ANO6: variants seen among roughly 807,000 people sequenced by gnomAD.
ANO6 encodes anoctamin-6.
Under a neutral mutation model 117.5 loss-of-function variants are expected in ANO6, and 106 were observed. The observed-to-expected ratio is 0.90, with a 90% CI of 0.77 to 1.06. The LOEUF is 1.06. ANO6 is among the 50% of genes least tolerant of loss of function. ANO6 has a pLI of 0.00. For missense variants in ANO6, 955 were observed against 1,121.1 expected, an observed-to-expected ratio of 0.85 and a Z score of 2.12; for synonymous variants, 367 against 385.1, an observed-to-expected ratio of 0.95 and a Z score of 0.55.
At chr12:45,331,926 T>C (rs1940678137) in intron 3 of ANO6, among the ~76,000 whole-genome samples, 13 of 152,088 alleles carry the variant, frequency 8.5e-5, no homozygotes, top group Admixed American at 8.5e-4. Context: ...TCATGGAATC[T>C]AGTCTAGCAA....
intron 7 of ANO6, among the ~76,000 whole-genome samples, chr12:45,351,045 G>A (rs529984032): frequency 4.7e-4 from 71 of 152,266 alleles, no homozygotes; most frequent in African/African-American, 1.7e-3. Flanking sequence ...TTGATCTTCT[G>A]GCATGGCCAG....
In ANO6 at chr12:45,347,933, T is replaced by C. The variant is rs2137447598; in HGVS notation, c.346-95T>C. ...TTTAGTGGTGGTCTCTGTATTGTTT[T>C]TTTAAAGCTACCAACAACATAAGAA... On this transcript the variant is annotated intron_variant, in intron 4 of 19. Transcript: ENST00000320560. 1.6e-5 allele frequency: 20 copies of C among 1,257,610 alleles called. 1 individual carries two copies. The South Asian group carries it at 2.4e-4, about 15-fold the overall frequency. The allele number at this position is 1,257,610 out of a possible 1,614,324, so 77.9% of individuals were successfully genotyped here.
chr12:45,285,741 AG>A (rs1938892125), intron 1 of ANO6, among the ~76,000 whole-genome samples: 1 of 151,686 alleles, frequency 6.6e-6, no homozygotes, highest in African/African-American at 2.4e-5. Flanking sequence ...AAAAAAAAAA[AG>A]AAAAAGAAAA....
chr12:45,351,438 G>A (rs1051837125), intron 7 of ANO6, among the ~76,000 whole-genome samples: 5 of 152,154 alleles, frequency 3.3e-5, no homozygotes, highest in East Asian at 1.9e-4. Flanking sequence ...TGTTTGGGCA[G>A]GGCTGAGGAT....
intron 1 of ANO6, among the ~76,000 whole-genome samples, chr12:45,299,455 G>A (rs1187087457): frequency 6.6e-6 from 1 of 152,172 alleles, no homozygotes; most frequent in African/African-American, 2.4e-5. Context: ...TTTCAGAAGA[G>A]TTAGAATCAC....
intron 19 of ANO6, among the ~76,000 whole-genome samples, chr12:45,437,785 G>T (rs1159496834): frequency 6.6e-6 from 1 of 152,018 alleles, no homozygotes; most frequent in African/African-American, 2.4e-5. Context: ...GCCCAGGCTG[G>T]TCTCAAATTT....
At chr12:45,356,146 G>A (rs1941405126) in intron 7 of ANO6, among the ~76,000 whole-genome samples, 1 of 152,032 alleles carries the variant, frequency 6.6e-6, no homozygotes, top group Non-Finnish European at 1.5e-5. Context: ...TGCCTACGTG[G>A]CCTCTTCAGT....
intron 1 of ANO6, among the ~76,000 whole-genome samples, chr12:45,281,659 C>G (rs1207804725): frequency 2.6e-5 from 4 of 152,200 alleles, no homozygotes; most frequent in African/African-American, 7.2e-5. Context: ...GGTCCATTAC[C>G]TCCCACTAGA....
At chr12:45,419,311 TCTTC>T (rs1316352271) in intron 17 of ANO6, among the ~76,000 whole-genome samples, 2 of 152,250 alleles carry the variant, frequency 1.3e-5, no homozygotes, top group African/African-American at 2.4e-5. Flanking sequence ...AATAGAATTA[TCTTC>T]CTTGTTGGAA....
downstream of ANO6, among the ~76,000 whole-genome samples, chr12:45,433,802 G>A (rs539406635): frequency 9.9e-5 from 15 of 152,284 alleles, no homozygotes; most frequent in Middle Eastern, 3.4e-3. Flanking sequence ...CAGAGCCTTC[G>A]GATTCCATGG....
intron 17 of ANO6, among the ~76,000 whole-genome samples, chr12:45,417,290 A>C (rs1188007310): frequency 6.6e-6 from 1 of 152,192 alleles, no homozygotes; most frequent in Non-Finnish European, 1.5e-5. Flanking sequence ...AAATAAGATC[A>C]TTCTACCATA....
chr12:45,237,852 A>G (rs945940371), intron 1 of ANO6, among the ~76,000 whole-genome samples: 2 of 152,198 alleles, frequency 1.3e-5, no homozygotes, highest in African/African-American at 4.8e-5. Flanking sequence ...CTTCCTACCC[A>G]TGAGCATGGA....
chr12:45,281,507 A>G (rs1299616532), intron 1 of ANO6, among the ~76,000 whole-genome samples: 1 of 152,214 alleles, frequency 6.6e-6, no homozygotes, highest in Non-Finnish European at 1.5e-5. Flanking sequence ...AAGGGGAGGC[A>G]GCATGTCCCA....
chr12:45,334,666 C>T (rs1230181319), intron 3 of ANO6, among the ~76,000 whole-genome samples: 1 of 151,986 alleles, frequency 6.6e-6, no homozygotes, highest in African/African-American at 2.4e-5. Flanking sequence ...CACCTGATCA[C>T]AGAATACCTA....
chr12:45,234,359 A>C (rs1947615689), intron 1 of ANO6, among the ~76,000 whole-genome samples: 1 of 152,186 alleles, frequency 6.6e-6, no homozygotes, highest in Admixed American at 6.5e-5. Flanking sequence ...TAAGGAGTTC[A>C]TGTGTAATAA....
At chr12:45,270,403 G>A in intron 1 of ANO6, 1 of 1,506,056 alleles carries the variant, frequency 6.6e-7, no homozygotes, top group African/African-American at 1.4e-5. Context: ...TCTGTCTGCA[G>A]CCTAACACCA....
chr12:45,426,411 T>C (rs1428504770), intron 19 of ANO6, among the ~76,000 whole-genome samples: 1 of 152,206 alleles, frequency 6.6e-6, no homozygotes, highest in Non-Finnish European at 1.5e-5. Context: ...CCAGTCCTGC[T>C]TCACTTCTCT....
chr12:45,435,137 C>T (rs1222569405), downstream of ANO6, among the ~76,000 whole-genome samples: 1 of 152,174 alleles, frequency 6.6e-6, no homozygotes, highest in African/African-American at 2.4e-5. Context: ...GAATGGATCC[C>T]TGGATGTCTC....
intron 18 of ANO6, 50 bp from the exon 19 acceptor site, chr12:45,422,907 T>C: frequency 3.7e-6 from 5 of 1,340,588 alleles, no homozygotes; most frequent in Non-Finnish European, 5.4e-6. Context: ...TTGTTTACAG[T>C]ATTCAGTCAA....
Sources: allele counts gnomAD v4.1 joint callset (sites outside exome capture counted in the v4.1 genomes callset), GRCh38; gene constraint gnomAD v4.1.1; transcripts MANE v1.5; gene names NCBI Gene and HGNC (gene_info 2026-07-23, HGNC 2026-07-21).